DDI2: variants seen among roughly 807,000 people sequenced by gnomAD.
The protein encoded by DDI2 is DDI proteasomal shuttling factor 2.
A neutral mutation model predicts 48.1 loss-of-function variants in DDI2; 5 were observed. The ratio of observed to expected loss-of-function variants is 0.10; its 90% CI spans 0.05 to 0.22. The LOEUF (loss-of-function observed/expected upper bound fraction) is 0.22, where lower values mean the gene tolerates loss of function less well. DDI2 is among the 10% of genes least tolerant of loss of function. DDI2 has a pLI of 1.00. For synonymous variants in DDI2, 205 were observed against 183.6 expected (o/e 1.12, Z -0.94); for missense variants, 285 against 506.2 (o/e 0.56, Z 4.19).
chr1:15,658,929 A>G (rs1364109545), intron 9 of DDI2, among the ~76,000 whole-genome samples: 1 of 152,122 alleles, frequency 6.6e-6, no homozygotes, highest in Non-Finnish European at 1.5e-5. Flanking sequence ...CAGTTGAAAA[A>G]CTATTAATGA....
chr1:15,631,604 C>A (rs1639844387), intron 3 of DDI2, among the ~76,000 whole-genome samples: 1 of 152,154 alleles, frequency 6.6e-6, no homozygotes, highest in South Asian at 2.1e-4. Context: ...ATATACAATT[C>A]CTTGAGTTTT....
chr1:15,626,805 C>T lies in DDI2; in HGVS notation c.268+7C>T, dbSNP rs1359299465. On this transcript the variant is annotated splice_region_variant and intron_variant, in intron 2 of 9. Coordinates refer to ENST00000480945, the MANE Select transcript of DDI2 (RefSeq NM_032341.5). ...CCTCCAGTGCAGTTCCCAAGTAAGACATCTGGTGGTTGAGCATCCCCCAGC... is the reference window on the plus strand; with the variant it reads ...CCTCCAGTGCAGTTCCCAAGTAAGATATCTGGTGGTTGAGCATCCCCCAGC... 15 of 1,614,012 alleles carry T rather than the reference C, an allele frequency of 9.3e-6. No homozygotes were observed. Among genetic ancestry groups the T allele is most frequent in the Admixed American group, 1.7e-5 (1 of 60,004 alleles).
At chr1:15,623,856 C>T (rs994678647) in intron 1 of DDI2, among the ~76,000 whole-genome samples, 35 of 151,888 alleles carry the variant, frequency 2.3e-4, no homozygotes, top group African/African-American at 7.5e-4. Flanking sequence ...GTTAGGAGAT[C>T]GAGACCATCC....
At chr1:15,650,956 G>A (rs1013834732) in intron 7 of DDI2, among the ~76,000 whole-genome samples, 1 of 152,134 alleles carries the variant, frequency 6.6e-6, no homozygotes, top group Non-Finnish European at 1.5e-5. Flanking sequence ...CTGGGTTCAC[G>A]CCATTCTCCT....
chr1:15,650,438 A>C (rs534590885), intron 7 of DDI2, among the ~76,000 whole-genome samples: 11 of 152,246 alleles, frequency 7.2e-5, no homozygotes, highest in Non-Finnish European at 1.5e-4. Flanking sequence ...CATTTTTCAC[A>C]GTAGGGTTTT....
intron 8 of DDI2, among the ~76,000 whole-genome samples, chr1:15,655,679 G>A (rs1401662832): frequency 6.6e-6 from 1 of 151,788 alleles, no homozygotes; most frequent in African/African-American, 2.4e-5. Flanking sequence ...CTTGAAGCCG[G>A]GAAGCAGAGG....
chr1:15,669,039 A>G lies in DDI2; in HGVS notation c.*9249A>G, dbSNP rs538448308. The G allele has an allele frequency of 1.3e-5, 2 of 152,344 alleles. No individual in the cohort carries two copies. Among genetic ancestry groups the G allele is most frequent in the South Asian group, 2.1e-4 (1 of 4,830 alleles). 9.4% of individuals were successfully genotyped at this position (152,344 alleles called of 1,614,324 possible). On this transcript the variant is annotated 3_prime_UTR_variant, in exon 10 of 10. Coordinates refer to ENST00000480945, the MANE Select transcript of DDI2 (RefSeq NM_032341.5). ...TATTTAAGACAATAAAGTTTTTATC[A>G]TAAGACTTCTGTTTGATCAATTTCT... is the stretch of plus-strand genomic sequence containing the variant.
rs778858727 is a variant in DDI2 at position 15,660,303 on chromosome 1, G to A, written c.*513G>A. 6 of 1,614,048 alleles carry A rather than the reference G, an allele frequency of 3.7e-6. No homozygotes were observed. The Admixed American group carries it at 1.0e-4, about 27-fold the overall frequency. The stretch of plus-strand genomic sequence containing the variant: ...CTACTAGGATGCATGAACCACAGAT[G>A]TTTCTAGGTGAAAAGGATTGGCATC... On this transcript the variant is annotated 3_prime_UTR_variant, in exon 10 of 10. Transcript: ENST00000480945.
intron 1 of DDI2, among the ~76,000 whole-genome samples, chr1:15,619,227 T>A (rs546410542): frequency 3.9e-5 from 6 of 152,140 alleles, no homozygotes; most frequent in Admixed American, 2.0e-4. Flanking sequence ...TTCAAGCGAT[T>A]CTCCTGCCTC....
In DDI2 at chr1:15,638,451, T is replaced by C. The variant is rs1173530298; in HGVS notation, c.760+17T>C. On this transcript the variant is annotated intron_variant, in intron 5 of 9. Coordinates refer to ENST00000480945, the MANE Select transcript of DDI2 (RefSeq NM_032341.5). ...TTGACTCAGGTGACGTCTCTGTCTT[T>C]TATTTCTTGGTCTCCCCTCCAACAT... 6.2e-7 allele frequency: 1 copy of C among 1,612,902 alleles called. No individual in the cohort carries two copies. The highest frequency in any genetic ancestry group is 1.3e-5 in the African/African-American group (1 of 74,836).
Position 15,633,585 on chromosome 1 carries a change from A to C in DDI2, c.632+20A>C, listed in dbSNP as rs776589135. 7 of 1,608,024 alleles carry C rather than the reference A, an allele frequency of 4.4e-6. No homozygotes were observed. The South Asian group carries it at 7.8e-5, about 18-fold the overall frequency. On this transcript the variant is annotated intron_variant, in intron 4 of 9. Transcript: ENST00000480945. ...TATAAGGTAAAGACCTGTTCATCTA[A>C]AGAACAAAACTTAGAGACTCCAGAT...
chr1:15,628,894 G>GTC (rs1420504578), intron 2 of DDI2, among the ~76,000 whole-genome samples: 1 of 152,080 alleles, frequency 6.6e-6, no homozygotes, highest in East Asian at 1.9e-4. Flanking sequence ...ACAACTACAA[G>GTC]TCTACTTTCT....
chr1:15,623,387 C>CTTTTT (rs777821777), intron 1 of DDI2, among the ~76,000 whole-genome samples: 14 of 107,482 alleles, frequency 1.3e-4, no homozygotes, highest in South Asian at 3.2e-4. Context: ...TTTTCTTCTT[C>CTTTTT]TTTTTTTTTT....
rs958170884 is a variant in DDI2, at chr1:15,664,612, A to G, written c.*4822A>G. On this transcript the variant is annotated 3_prime_UTR_variant, in exon 10 of 10. Coordinates refer to ENST00000480945, the MANE Select transcript of DDI2 (RefSeq NM_032341.5). ...TTATGGGTTAACTTCTAAGAATACC[A>G]TCAAATCCCTGTGAATTCTGGTTGC... The G allele has an allele frequency of 2.6e-5, 4 of 152,194 alleles. No homozygotes were observed. The highest frequency in any genetic ancestry group is 4.4e-5 in the Non-Finnish European group (3 of 68,050). The allele number at this position is 152,194 out of a possible 1,614,324, so 9.4% of individuals were successfully genotyped here. A position where few individuals can be genotyped will look rare whatever the true frequency, so the allele number is the denominator to read the frequency against.
At chr1:15,623,533 A>G (rs1639703321) in intron 1 of DDI2, among the ~76,000 whole-genome samples, 1 of 124,054 alleles carries the variant, frequency 8.1e-6, no homozygotes, top group Non-Finnish European at 1.7e-5. Context: ...AGTTGAGACT[A>G]CAGGCATATG....
In DDI2 at chr1:15,630,400, C is replaced by G. The variant is rs764221560; in HGVS notation, c.344C>G (p.Thr115Arg). ...SSPRQRQPPG[T>R]QQSHSSPGEI... is the part of the protein sequence containing the mutation. The stretch of plus-strand genomic sequence containing the variant: ...CCCCGGCAGCGCCAGCCACCAGGAA[C>G]ACAGCAGTCCCACTCATCTCCTGGA... Residue 115 changes from threonine (T) to arginine (R), a missense_variant, in exon 3 of 10, where the codon ACA (threonine) becomes AGA (arginine). Around this residue, in one of 3 missense-constraint regions of DDI2, gnomAD observed 149 missense variants for 236.5 expected, o/e 0.63. Coordinates refer to ENST00000480945, the MANE Select transcript of DDI2 (RefSeq NM_032341.5). 1 of 1,614,244 alleles carries G rather than the reference C, an allele frequency of 6.2e-7. No individual in the cohort carries two copies. Among genetic ancestry groups the G allele is most frequent in the Non-Finnish European group, 8.5e-7 (1 of 1,180,040 alleles).
Position 15,668,920 on chromosome 1 carries a change from G to GT in DDI2, c.*9131dup, listed in dbSNP as rs1323712135. ...TTGAATTTTTGTCACATACTGAAAT[G>GT]TAAGTCAGCCCTAAATAATCAAAAC... On this transcript the variant is annotated 3_prime_UTR_variant, in exon 10 of 10. Coordinates refer to ENST00000480945, the MANE Select transcript of DDI2 (RefSeq NM_032341.5). 6.6e-6 allele frequency: 1 copy of GT among 152,212 alleles called. No individual in the cohort carries two copies. The highest frequency in any genetic ancestry group is 1.5e-5 in the Non-Finnish European group (1 of 68,032). 9.4% of individuals were successfully genotyped at this position (152,212 alleles called of 1,614,324 possible). A position where few individuals can be genotyped will look rare whatever the true frequency, so the allele number is the denominator to read the frequency against.
Position 15,617,492 on chromosome 1 carries a change from T to C in DDI2, c.-179T>C. The C allele has an allele frequency of 5.0e-6, 2 of 396,820 alleles. No individual in the cohort carries two copies. The highest frequency in any genetic ancestry group is 8.4e-6 in the Non-Finnish European group (2 of 237,960). 24.6% of individuals were successfully genotyped at this position (396,820 alleles called of 1,614,324 possible). A position where few individuals can be genotyped will look rare whatever the true frequency, so the allele number is the denominator to read the frequency against. ...CGCAGGCGTGTGGCGGCGGCCGTGCTTGCTAGTGAGGGCGGGAGGGAGTGA... is the reference window on the plus strand; with the variant it reads ...CGCAGGCGTGTGGCGGCGGCCGTGCCTGCTAGTGAGGGCGGGAGGGAGTGA... On this transcript the variant is annotated 5_prime_UTR_variant, in exon 1 of 10. Coordinates refer to ENST00000480945, the MANE Select transcript of DDI2 (RefSeq NM_032341.5).
At chr1:15,618,977 A>T (rs1639610269) in intron 1 of DDI2, among the ~76,000 whole-genome samples, 1 of 152,236 alleles carries the variant, frequency 6.6e-6, no homozygotes, top group Non-Finnish European at 1.5e-5. Flanking sequence ...TGAACTTTAG[A>T]ACCTTGGCAT....
Sources: allele counts gnomAD v4.1 joint callset (sites outside exome capture counted in the v4.1 genomes callset), GRCh38; gene constraint gnomAD v4.1.1; regional missense constraint gnomAD v4.1.1; transcripts MANE v1.5; gene names NCBI Gene and HGNC (gene_info 2026-07-23, HGNC 2026-07-21).